Variants in ACSS3 observed in about 807,000 individuals in gnomAD.
ACSS3 encodes acyl-CoA synthetase short chain family member 3.
In ACSS3, 64 loss-of-function variants were observed where a neutral mutation model predicts 84.2. That is an observed-to-expected ratio of 0.76 (90% CI 0.62 to 0.94). The LOEUF (loss-of-function observed/expected upper bound fraction) is 0.94, where lower values mean the gene tolerates loss of function less well. ACSS3 is among the 40% of genes least tolerant of loss of function. ACSS3 has a pLI of 0.00. For missense variants in ACSS3, 815 were observed against 867.6 expected, an observed-to-expected ratio of 0.94 and a Z score of 0.76; for synonymous variants, 317 against 310.1, an observed-to-expected ratio of 1.02 and a Z score of -0.23.
chr12:81,248,679 A>G (rs886420152), intron 13 of ACSS3, among the ~76,000 whole-genome samples: 4 of 152,014 alleles, frequency 2.6e-5, no homozygotes, highest in African/African-American at 7.2e-5. Context: ...ATAACAATGT[A>G]TAGTTCAAAA....
chr12:81,104,936 T>C (rs529474169), intron 1 of ACSS3: 2 of 152,308 alleles, frequency 1.3e-5, no homozygotes, highest in East Asian at 3.9e-4. Context: ...ATATATTGCA[T>C]AGTGGTGAAA....
chr12:81,107,503 A>T (rs1384052521), intron 1 of ACSS3, among the ~76,000 whole-genome samples: 1 of 59,576 alleles, frequency 1.7e-5, no homozygotes, highest in Non-Finnish European at 3.3e-5. Context: ...TTCAGGTACA[A>T]ATATATACAT....
At chr12:81,242,790 CTTCAACAAAA>C (rs1202322769) in intron 13 of ACSS3, among the ~76,000 whole-genome samples, 1 of 147,334 alleles carries the variant, frequency 6.8e-6, no homozygotes, top group East Asian at 2.0e-4. Context: ...CAGAAAAGGC[CTTCAACAAAA>C]TTCAACAACC....
At chr12:81,189,256 GGTTACATTACA>G (rs1401436178) in intron 8 of ACSS3, among the ~76,000 whole-genome samples, 4 of 152,066 alleles carry the variant, frequency 2.6e-5, no homozygotes, top group Non-Finnish European at 4.4e-5. Flanking sequence ...AAGGTATAAT[GGTTACATTACA>G]GAGTATGTCA....
intron 7 of ACSS3, among the ~76,000 whole-genome samples, chr12:81,172,790 G>A (rs1184284345): frequency 6.6e-6 from 1 of 152,046 alleles, no homozygotes; most frequent in Non-Finnish European, 1.5e-5. Context: ...CCTCCTTGTA[G>A]GTGGTCTTAC....
At chr12:81,231,185 A>T (rs2293651) in intron 12 of ACSS3, 47 bp downstream of exon 12, 678,925 of 1,432,368 alleles carry the variant, frequency 0.47, 163,915 homozygotes, top group Non-Finnish European at 0.5. Flanking sequence ...ACTTTTCTAT[A>T]ATTCTTGCCT....
chr12:81,254,441 G>C (rs976137636), intron 15 of ACSS3, among the ~76,000 whole-genome samples: 6 of 152,066 alleles, frequency 3.9e-5, no homozygotes, highest in African/African-American at 1.4e-4. Flanking sequence ...GAAATCTTAG[G>C]CTGATTCAAT....
chr12:81,203,137 A>G (rs923000509), intron 9 of ACSS3, among the ~76,000 whole-genome samples: 3 of 152,168 alleles, frequency 2.0e-5, no homozygotes, highest in East Asian at 3.9e-4. Flanking sequence ...GGCCACTTAT[A>G]TAAGTTCTGG....
intron 2 of ACSS3, among the ~76,000 whole-genome samples, chr12:81,122,447 A>G (rs1401478894): frequency 6.6e-6 from 1 of 152,152 alleles, no homozygotes; most frequent in African/African-American, 2.4e-5. Flanking sequence ...AATGAAGTGT[A>G]TATAGCAGAC....
intron 10 of ACSS3, among the ~76,000 whole-genome samples, chr12:81,219,236 G>A (rs1266729128): frequency 6.6e-6 from 1 of 152,098 alleles, no homozygotes; most frequent in Non-Finnish European, 1.5e-5. Flanking sequence ...AATCTAGTTA[G>A]ATACAGATAC....
chr12:81,199,557 C>T (rs571153192), intron 9 of ACSS3, 113 bp downstream of exon 9: 35 of 1,454,106 alleles, frequency 2.4e-5, no homozygotes, highest in African/African-American at 8.5e-5. Flanking sequence ...ACTCGGGATT[C>T]GAGTGGTTCA....
At chr12:81,230,951 G>T in intron 11 of ACSS3, 106 bp from the exon 12 acceptor site, 1 of 872,664 alleles carries the variant, frequency 1.1e-6, no homozygotes, top group Non-Finnish European at 1.8e-6. Context: ...TTTCAATGTA[G>T]GATTTGAATT....
chr12:81,236,893 A>G (rs886270893), intron 13 of ACSS3, among the ~76,000 whole-genome samples: 5 of 150,912 alleles, frequency 3.3e-5, no homozygotes, highest in African/African-American at 1.2e-4. Context: ...TTTCCACCTT[A>G]CCCTAGGTCT....
intron 11 of ACSS3, among the ~76,000 whole-genome samples, chr12:81,226,646 A>T (rs1157933960): frequency 6.6e-6 from 1 of 151,900 alleles, no homozygotes; most frequent in Non-Finnish European, 1.5e-5. Flanking sequence ...TACTGCTTTT[A>T]CTATATTGCG....
At chr12:81,165,473 G>A (rs916571629) in intron 7 of ACSS3, among the ~76,000 whole-genome samples, 6 of 151,976 alleles carry the variant, frequency 3.9e-5, no homozygotes, top group South Asian at 2.1e-4. Context: ...GTGAAACCCC[G>A]TCTCTACTAA....
At chr12:81,200,914 A>G (rs2032075514) in intron 9 of ACSS3, among the ~76,000 whole-genome samples, 1 of 151,510 alleles carries the variant, frequency 6.6e-6, no homozygotes, top group African/African-American at 2.4e-5. Flanking sequence ...AAAGAAAAAG[A>G]AAGAAAGAAA....
At chr12:81,087,556 C>T (rs1419221540) in intron 1 of ACSS3, among the ~76,000 whole-genome samples, 4 of 151,954 alleles carry the variant, frequency 2.6e-5, no homozygotes, top group Non-Finnish European at 5.9e-5. Context: ...TTAGTCACTC[C>T]GTATTATTGT....
intron 1 of ACSS3, among the ~76,000 whole-genome samples, chr12:81,079,187 A>G (rs1396855076): frequency 6.6e-6 from 1 of 152,186 alleles, no homozygotes; most frequent in Non-Finnish European, 1.5e-5. Context: ...TTCCACCTGG[A>G]GTTGGAATTA....
chr12:81,137,321 TCACACACACACACA>T (rs57701806), intron 3 of ACSS3, among the ~76,000 whole-genome samples: 180 of 141,814 alleles, frequency 1.3e-3, no homozygotes, highest in African/African-American at 4.1e-3. Context: ...TTTTCATCCA[TCACACACACACACA>T]CACACACACA....
Sources: allele counts gnomAD v4.1 joint callset (sites outside exome capture counted in the v4.1 genomes callset), GRCh38; gene constraint gnomAD v4.1.1; transcripts MANE v1.5; gene names NCBI Gene and HGNC (gene_info 2026-07-23, HGNC 2026-07-21).